The following TUBB8 variants were observed in gnomAD, a reference collection of about 807,000 sequenced individuals.
The protein encoded by TUBB8 is tubulin beta-8 chain.
In TUBB8, 25 loss-of-function variants were observed where a neutral mutation model predicts 33.7. That is an observed-to-expected ratio of 0.74 (90% confidence interval 0.54 to 1.04). The LOEUF (loss-of-function observed/expected upper bound fraction) is 1.04, where lower values mean the gene tolerates loss of function less well. TUBB8 is among the 50% of genes least tolerant of loss of function. The probability of loss-of-function intolerance (pLI) is 0.00; values close to 1 mark genes in which losing one functional copy is unlikely to be tolerated. For synonymous variants in TUBB8, 245 were observed against 240.1 expected (o/e 1.02, Z -0.19); for missense variants, 279 against 608.0 (o/e 0.46, Z 5.69).
chr10:75,796 T>C (rs1398229710), upstream of TUBB8, among the ~76,000 whole-genome samples: 1 of 152,078 alleles, frequency 6.6e-6, no homozygotes, highest in Non-Finnish European at 1.5e-5. Context: ...ATGTGCTACT[T>C]TTCCATTTTC....
At chr10:75,186 T>A (rs1834794736), upstream of TUBB8, among the ~76,000 whole-genome samples, 1 of 8,714 alleles carries the variant, frequency 1.1e-4, no homozygotes, top group South Asian at 1.9e-3. Context: ...CCCAGCCAAA[T>A]TTTTTTTTTT....
intron 1 of TUBB8, among the ~76,000 whole-genome samples, chr10:55,490 G>A (rs1252259214): frequency 1.3e-5 from 2 of 152,194 alleles, no homozygotes; most frequent in Non-Finnish European, 2.9e-5. Flanking sequence ...TTTCTGACCT[G>A]CTGTAATTCC....
At chr10:64,440 CT>C (rs1443318818) in intron 1 of TUBB8, among the ~76,000 whole-genome samples, 7 of 152,146 alleles carry the variant, frequency 4.6e-5, no homozygotes, top group African/African-American at 1.2e-4. Flanking sequence ...CCCTTAACCC[CT>C]AACCCTAACT....
chr10:71,083 G>A (rs1358980952), intron 1 of TUBB8, among the ~76,000 whole-genome samples: 8 of 152,228 alleles, frequency 5.3e-5, no homozygotes, highest in Non-Finnish European at 8.8e-5. Context: ...AGGACAAGGC[G>A]GGCAGATCAC....
chr10:73,103 AC>A (rs1259541043), intron 1 of TUBB8, among the ~76,000 whole-genome samples: 6 of 152,268 alleles, frequency 3.9e-5, no homozygotes, highest in African/African-American at 7.2e-5. Flanking sequence ...CATTTTCTGT[AC>A]CATTACAAAT....
chr10:47,996 A>G lies in TUBB8; in HGVS notation c.396T>C (p.Gly132=), dbSNP rs1554738531. The part of the protein sequence containing the change: ...KEAESCDCLQ[G]FQLTHSLGGG... ...CACCCAGGGAGTGGGTCAGCTGGAA[A>G]CCCTGCAGGCAGTCACAGCTCTCAG... Residue 132 remains glycine, a synonymous_variant, in exon 4 of 4, where the codon GGT becomes GGC. Transcript: ENST00000568584. 1.9e-6 allele frequency: 3 copies of G among 1,614,038 alleles called. No individual in the cohort carries two copies. Among genetic ancestry groups the G allele is most frequent in the Non-Finnish European group, 1.7e-6 (2 of 1,180,030 alleles).
At chr10:54,835 T>C (rs1292143463) in intron 1 of TUBB8, among the ~76,000 whole-genome samples, 3 of 152,244 alleles carry the variant, frequency 2.0e-5, no homozygotes, top group African/African-American at 7.2e-5. Context: ...CTCGGTTCAC[T>C]GCAACCTCCA....
intron 1 of TUBB8, among the ~76,000 whole-genome samples, chr10:70,938 G>A (rs1160746259): frequency 8.5e-5 from 13 of 152,156 alleles, no homozygotes; most frequent in African/African-American, 3.1e-4. Flanking sequence ...ACAACAAAAT[G>A]GACTCTAAAA....
chr10:62,119 C>T (rs1192082321), intron 1 of TUBB8, among the ~76,000 whole-genome samples: 3 of 152,100 alleles, frequency 2.0e-5, no homozygotes, highest in African/African-American at 7.2e-5. Flanking sequence ...AGCACTTACT[C>T]CTGCCCTTTT....
chr10:61,692 AGG>A (rs1834603905), intron 1 of TUBB8, among the ~76,000 whole-genome samples: 1 of 152,218 alleles, frequency 6.6e-6, no homozygotes, highest in African/African-American at 2.4e-5. Flanking sequence ...TGACTAAAGT[AGG>A]GTGTCGAAGT....
intron 1 of TUBB8, among the ~76,000 whole-genome samples, chr10:63,128 C>T (rs1834624722): frequency 6.6e-6 from 1 of 151,814 alleles, no homozygotes; most frequent in African/African-American, 2.4e-5. Flanking sequence ...GGCTGGAGTG[C>T]AATGGCACAA....
chr10:74,397 C>T (rs557948283), upstream of TUBB8, among the ~76,000 whole-genome samples: 1 of 149,458 alleles, frequency 6.7e-6, no homozygotes, highest in East Asian at 2.0e-4. Context: ...GAGGCCGAGT[C>T]GGGCGGATCA....
At chr10:53,896 A>G (rs1432478886), upstream of TUBB8, among the ~76,000 whole-genome samples, 1 of 152,304 alleles carries the variant, frequency 6.6e-6, no homozygotes, top group African/African-American at 2.4e-5. Flanking sequence ...TTTTAATTGT[A>G]ATTTTTAATT....
chr10:70,799 C>T (rs1332383958), intron 1 of TUBB8, among the ~76,000 whole-genome samples: 61 of 152,014 alleles, frequency 4.0e-4, no homozygotes, highest in African/African-American at 1.2e-3. Flanking sequence ...ATCTCCACTG[C>T]GCCACTGCAC....
chr10:48,353 A>C (rs572005912), intron 3 of TUBB8: 2 of 629,272 alleles, frequency 3.2e-6, no homozygotes, highest in African/African-American at 1.8e-5. Flanking sequence ...GCTCCTGCCC[A>C]TTCTCAGGAA....
In TUBB8 at chr10:57,160, G is replaced by A. The variant is rs1201876351; in HGVS notation, c.-845-6927C>T. ...CCAGGGCACACTAATGCCTTGGGAC[G>A]TTTAGACCTTGTGGCTTTGCATGGT... On this transcript the variant is annotated intron_variant, in intron 1 of 3. Coordinates refer to the TUBB8 transcript ENST00000564130. Among the ~76,000 whole-genome samples, 25 of 152,346 alleles carry A rather than the reference G, an allele frequency of 1.6e-4. No homozygotes were observed. In the East Asian group the frequency reaches 2.5e-3, roughly 15 times the overall value.
chr10:49,066 G>A (rs1346511983), intron 1 of TUBB8, 116 bp downstream of exon 1: 5 of 1,246,670 alleles, frequency 4.0e-6, no homozygotes, highest in East Asian at 3.4e-5. Context: ...CGGTTCCACC[G>A]TCCCCGGCAG....
intron 1 of TUBB8, among the ~76,000 whole-genome samples, chr10:64,332 A>G (rs1234161395): frequency 7.5e-6 from 1 of 134,078 alleles, no homozygotes; most frequent in Admixed American, 7.3e-5. Context: ...TCCTAGCCTT[A>G]GCCCTAACCC....
At chr10:74,453 C>T (rs1554742832), upstream of TUBB8, among the ~76,000 whole-genome samples, 1 of 149,624 alleles carries the variant, frequency 6.7e-6, no homozygotes, top group African/African-American at 2.4e-5. Context: ...ATGGTAAAAT[C>T]CCATCTCTAC....
Sources: gnomAD v4.1 joint callset for allele counts (sites outside exome capture counted in the v4.1 genomes callset) on GRCh38, gnomAD v4.1.1 for gene constraint, MANE v1.5 for transcripts, NCBI Gene and HGNC (gene_info 2026-07-23, HGNC 2026-07-21) for gene names.